Variants in THOC1 observed in about 807,000 individuals in gnomAD.
The protein encoded by THOC1 is THO complex 1.
A neutral mutation model predicts 97.3 loss-of-function variants in THOC1; 29 were observed. The ratio of observed to expected loss-of-function variants is 0.30; its 90% CI spans 0.22 to 0.41. The LOEUF (loss-of-function observed/expected upper bound fraction) is 0.41, where lower values mean the gene tolerates loss of function less well. Ranked by LOEUF, THOC1 falls within the 10% of genes least tolerant of loss-of-function variation. The pLI, the probability that THOC1 is intolerant of heterozygous loss-of-function variation, is 1.00. For synonymous variants in THOC1, 255 were observed against 257.0 expected (o/e 0.99, Z 0.07); for missense variants, 529 against 761.9 (o/e 0.69, Z 3.60).
chr18:253,615 C>T (rs1275738043), intron 8 of THOC1, among the ~76,000 whole-genome samples: 1 of 152,062 alleles, frequency 6.6e-6, no homozygotes, highest in African/African-American at 2.4e-5. Flanking sequence ...AGAAAAAATA[C>T]ATATTCTGCA....
intron 15 of THOC1, among the ~76,000 whole-genome samples, chr18:224,506 G>C (rs1470911975): frequency 1.3e-5 from 2 of 151,160 alleles, no homozygotes; most frequent in African/African-American, 4.9e-5. Context: ...TTGAACCCAA[G>C]AGGCGGAGGC....
chr18:260,141 C>G (rs757087366), intron 5 of THOC1, 45 bp downstream of exon 5: 46 of 1,243,420 alleles, frequency 3.7e-5, no homozygotes, highest in Non-Finnish European at 4.8e-5. Flanking sequence ...AATTCTGGAT[C>G]TATAGAAAGA....
chr18:259,632 TG>T, intron 6 of THOC1, 49 bp downstream of exon 6: 1 of 1,343,324 alleles, frequency 7.4e-7, no homozygotes, highest in East Asian at 2.6e-5. Context: ...TGTGTTTTTC[TG>T]GGCATATTTA....
At chr18:263,309 G>A (rs1210084426) in intron 4 of THOC1, among the ~76,000 whole-genome samples, 1 of 151,904 alleles carries the variant, frequency 6.6e-6, no homozygotes, top group Non-Finnish European at 1.5e-5. Context: ...TCGATCTCCT[G>A]ACCTCATGAT....
At chr18:265,167 A>G in intron 3 of THOC1, 136 bp downstream of exon 3, 1 of 689,076 alleles carries the variant, frequency 1.5e-6, no homozygotes, top group Non-Finnish European at 2.4e-6. Flanking sequence ...ATAGTCATCA[A>G]GTCAACTTTT....
intron 11 of THOC1, among the ~76,000 whole-genome samples, chr18:232,313 G>T (rs1027394964): frequency 6.6e-6 from 1 of 152,000 alleles, no homozygotes; most frequent in Non-Finnish European, 1.5e-5. Flanking sequence ...GCTCAGGCTG[G>T]TCTCAAACTC....
intron 8 of THOC1, among the ~76,000 whole-genome samples, chr18:253,132 T>C (rs1270876769): frequency 2.0e-5 from 3 of 152,182 alleles, no homozygotes; most frequent in Non-Finnish European, 4.4e-5. Flanking sequence ...GGGGTGAGGC[T>C]GTGGGGAAAA....
chr18:266,974 C>G (rs971420932), intron 1 of THOC1, among the ~76,000 whole-genome samples: 4 of 149,446 alleles, frequency 2.7e-5, no homozygotes, highest in South Asian at 4.3e-4. Flanking sequence ...AAACCTCACA[C>G]TGTGTGTGTG....
chr18:247,973 T>C lies in THOC1; in HGVS notation c.678-16A>G, dbSNP rs1351376068. 7.4e-7 allele frequency: 1 copy of C among 1,358,262 alleles called. No homozygotes were observed. The highest frequency in any genetic ancestry group is 1.5e-5 in the African/African-American group (1 of 67,162). The allele number at this position is 1,358,262 out of a possible 1,614,324, so 84.1% of individuals were successfully genotyped here. A position where few individuals can be genotyped will look rare whatever the true frequency, so the allele number is the denominator to read the frequency against. ...TGGAATAGAGCTAATAAAATAAACG[T>C]TATATTAAATAAATCATTCAAATTC... On this transcript the variant is annotated splice_polypyrimidine_tract_variant and intron_variant, in intron 9 of 20. Coordinates refer to ENST00000261600, the MANE Select transcript of THOC1 (RefSeq NM_005131.3).
chr18:222,325 CA>C, intron 17 of THOC1, among the ~76,000 whole-genome samples: 1 of 152,290 alleles, frequency 6.6e-6, no homozygotes, highest in South Asian at 2.1e-4. Context: ...ATCCTTTCTG[CA>C]ATTTACTCCT....
At chr18:267,131 C>T (rs1912800695) in intron 1 of THOC1, among the ~76,000 whole-genome samples, 1 of 151,916 alleles carries the variant, frequency 6.6e-6, no homozygotes, top group African/African-American at 2.4e-5. Flanking sequence ...AAAACACAGC[C>T]GAATATCTGA....
chr18:261,920 TCCC>T lies in THOC1; in HGVS notation c.257-1619_257-1617del, dbSNP rs1031254870. Among the ~76,000 whole-genome samples, 148 of 152,258 alleles carry T rather than the reference TCCC, an allele frequency of 9.7e-4. 1 individual carries two copies. Among genetic ancestry groups the T allele is most frequent in the African/African-American group, 3.3e-3 (137 of 41,552 alleles). On this transcript the variant is annotated intron_variant, in intron 4 of 20. Transcript: ENST00000261600. ...GGGAACCATTGGGTTATAGTGTGAT[TCCC>T]CCAAGAGCTTTCACAACCTGTGTCC...
At chr18:252,898 A>G (rs1221705666) in intron 8 of THOC1, among the ~76,000 whole-genome samples, 1 of 152,222 alleles carries the variant, frequency 6.6e-6, no homozygotes, top group Admixed American at 6.5e-5. Flanking sequence ...TCTGGGAATA[A>G]AGGGCTAAAT....
chr18:233,643 CT>C (rs1911572516), intron 11 of THOC1, among the ~76,000 whole-genome samples: 3 of 152,126 alleles, frequency 2.0e-5, no homozygotes, highest in Admixed American at 2.0e-4. Flanking sequence ...ATGCAATCTT[CT>C]TTTGTATATT....
intron 3 of THOC1, among the ~76,000 whole-genome samples, chr18:264,561 A>G (rs145508845): frequency 2.0e-5 from 3 of 150,120 alleles, no homozygotes; most frequent in Non-Finnish European, 4.5e-5. Flanking sequence ...TTTACACACA[A>G]CAACACTGAA....
intron 7 of THOC1, among the ~76,000 whole-genome samples, chr18:256,029 C>T (rs1003717910): frequency 6.6e-6 from 1 of 152,178 alleles, no homozygotes; most frequent in Non-Finnish European, 1.5e-5. Flanking sequence ...AATATTATTG[C>T]TTATTCACAA....
intron 9 of THOC1, among the ~76,000 whole-genome samples, chr18:251,026 A>T (rs1382552800): frequency 6.6e-6 from 1 of 152,188 alleles, no homozygotes; most frequent in Non-Finnish European, 1.5e-5. Flanking sequence ...ATAACAAATA[A>T]TAGCTACTAG....
chr18:232,882 T>G (rs949909361), intron 11 of THOC1, among the ~76,000 whole-genome samples: 1 of 152,126 alleles, frequency 6.6e-6, no homozygotes, highest in African/African-American at 2.4e-5. Flanking sequence ...TTAAATTACT[T>G]TTTCTTATCA....
rs750194531 is a variant in THOC1 at position 225,315 on chromosome 18, G to C, written c.1086+22C>G. 8.1e-6 allele frequency: 13 copies of C among 1,610,882 alleles called. No individual in the cohort carries two copies. In the Admixed American group the frequency reaches 1.2e-4, roughly 15 times the overall value. On this transcript the variant is annotated intron_variant, in intron 13 of 20. Transcript: ENST00000261600. ...TAAATTTCCATTTTTTCAATCATGGGTTTGTTGCGTGTTGAACTTACTTGA... is the reference window on the plus strand; with the variant it reads ...TAAATTTCCATTTTTTCAATCATGGCTTTGTTGCGTGTTGAACTTACTTGA...
Sources: allele counts gnomAD v4.1 joint callset (sites outside exome capture counted in the v4.1 genomes callset), GRCh38; gene constraint gnomAD v4.1.1; transcripts MANE v1.5; gene names NCBI Gene and HGNC (gene_info 2026-07-23, HGNC 2026-07-21).